The following KCNH5 variants were observed in gnomAD, a reference collection of about 807,000 sequenced individuals.
KCNH5 encodes the protein potassium voltage-gated channel subfamily H member 5.
A neutral mutation model predicts 96.1 loss-of-function variants in KCNH5; 46 were observed. The ratio of observed to expected loss-of-function variants is 0.48; its 90% confidence interval spans 0.38 to 0.61. The LOEUF is 0.61. Among genes scored for constraint, KCNH5 ranks in the 20% least tolerant of loss-of-function variants. KCNH5 has a pLI of 0.00. For missense variants in KCNH5, 907 were observed against 1,225.8 expected, an observed-to-expected ratio of 0.74 and a Z score of 3.88; for synonymous variants, 439 against 449.8, an observed-to-expected ratio of 0.98 and a Z score of 0.30.
chr14:62,738,736 C>A (rs1013068651), intron 10 of KCNH5, among the ~76,000 whole-genome samples: 3 of 152,076 alleles, frequency 2.0e-5, no homozygotes, highest in African/African-American at 7.2e-5. Context: ...AGGCACTGTG[C>A]CTAATGGAGG....
chr14:62,737,580 A>C (rs1408611664), intron 10 of KCNH5, among the ~76,000 whole-genome samples: 3 of 152,188 alleles, frequency 2.0e-5, no homozygotes, highest in African/African-American at 7.2e-5. Flanking sequence ...GAATCTCTAC[A>C]GTGTTATATA....
At chr14:62,907,944 C>A (rs978732100) in intron 7 of KCNH5, among the ~76,000 whole-genome samples, 1 of 152,184 alleles carries the variant, frequency 6.6e-6, no homozygotes, top group African/African-American at 2.4e-5. Context: ...TCTTCTACCA[C>A]AATGACGTCT....
At position 62,755,919 on chromosome 14, in the gene KCNH5, C is replaced by T. The variant is rs182139895; in HGVS notation, c.2019+23809G>A. Among the ~76,000 whole-genome samples, 55 of 152,028 alleles carry T rather than the reference C, an allele frequency of 3.6e-4. 1 individual carries two copies. The East Asian group carries it at 7.0e-3, about 19-fold the overall frequency. ...GATAAAATTCAACATCCCTTCATGA[C>T]AACAACCCTCAAAAAATTGGGCATA... On this transcript the variant is annotated intron_variant, in intron 10 of 10. Transcript: ENST00000322893.
At chr14:62,845,424 T>C (rs1484948771) in intron 8 of KCNH5, among the ~76,000 whole-genome samples, 2 of 152,140 alleles carry the variant, frequency 1.3e-5, no homozygotes. Context: ...GATAGATAAT[T>C]GATGATTGAT....
intron 8 of KCNH5, among the ~76,000 whole-genome samples, chr14:62,821,130 T>C (rs1017185440): frequency 1.3e-5 from 2 of 151,546 alleles, no homozygotes; most frequent in Non-Finnish European, 2.9e-5. Context: ...AAAAAAACCC[T>C]TAAAAAAGCG....
At chr14:62,967,832 T>C (rs973861043) in intron 6 of KCNH5, among the ~76,000 whole-genome samples, 20 of 152,232 alleles carry the variant, frequency 1.3e-4, no homozygotes, top group African/African-American at 4.1e-4. Context: ...CAAATTCCAA[T>C]ATATTTCAAC....
chr14:62,922,108 A>C (rs543787271), intron 7 of KCNH5, among the ~76,000 whole-genome samples: 1 of 152,216 alleles, frequency 6.6e-6, no homozygotes, highest in Non-Finnish European at 1.5e-5. Flanking sequence ...CACCTTATAC[A>C]GTGCATTTTT....
chr14:62,744,411 C>G (rs1304858417), intron 10 of KCNH5, among the ~76,000 whole-genome samples: 1 of 152,078 alleles, frequency 6.6e-6, no homozygotes, highest in Non-Finnish European at 1.5e-5. Context: ...TATAATTATT[C>G]TCATTTAAAA....
At chr14:62,814,388 A>G (rs1368036987) in intron 8 of KCNH5, among the ~76,000 whole-genome samples, 1 of 152,190 alleles carries the variant, frequency 6.6e-6, no homozygotes, top group Non-Finnish European at 1.5e-5. Flanking sequence ...ACTGTCTTAC[A>G]GGCAGATATT....
At chr14:62,845,078 T>C (rs1235657330) in intron 8 of KCNH5, among the ~76,000 whole-genome samples, 5 of 152,130 alleles carry the variant, frequency 3.3e-5, no homozygotes, top group African/African-American at 7.2e-5. Context: ...TTTTAAAGTA[T>C]ATATTCATAG....
chr14:62,994,491 C>A (rs180877449), intron 4 of KCNH5, among the ~76,000 whole-genome samples: 3 of 152,104 alleles, frequency 2.0e-5, no homozygotes, highest in Admixed American at 2.0e-4. Context: ...TATAATGTAT[C>A]AGGTACCACT....
intron 7 of KCNH5, among the ~76,000 whole-genome samples, chr14:62,928,722 T>A (rs1889522672): frequency 1.3e-5 from 2 of 152,018 alleles, no homozygotes; most frequent in African/African-American, 2.4e-5. Flanking sequence ...GGCTGCTCAC[T>A]CATCCCTCCT....
chr14:62,885,101 T>C (rs910656316), intron 7 of KCNH5, among the ~76,000 whole-genome samples: 3 of 152,208 alleles, frequency 2.0e-5, no homozygotes, highest in African/African-American at 7.2e-5. Flanking sequence ...ATGATAGTAA[T>C]TATGATATTT....
chr14:62,985,424 A>G (rs1401821996), intron 5 of KCNH5, among the ~76,000 whole-genome samples: 1 of 152,220 alleles, frequency 6.6e-6, no homozygotes, highest in Non-Finnish European at 1.5e-5. Flanking sequence ...CGACAAGTTA[A>G]GAAAATTACT....
chr14:62,803,095 G>A (rs1886698219), intron 8 of KCNH5, among the ~76,000 whole-genome samples: 1 of 152,198 alleles, frequency 6.6e-6, no homozygotes. Context: ...AGATTGCAGT[G>A]AGCCAAGGTC....
At chr14:62,997,873 C>T (rs1225816934) in intron 4 of KCNH5, among the ~76,000 whole-genome samples, 2 of 131,936 alleles carry the variant, frequency 1.5e-5, no homozygotes, top group African/African-American at 6.2e-5. Context: ...GCACTCCAAC[C>T]TGGGGGACAG....
chr14:62,985,000 C>T (rs1890678326), intron 5 of KCNH5, among the ~76,000 whole-genome samples: 1 of 152,080 alleles, frequency 6.6e-6, no homozygotes, highest in South Asian at 2.1e-4. Context: ...CCAAAGGAAT[C>T]ATGACTATAA....
At chr14:62,865,332 TTA>T (rs1491102573) in intron 7 of KCNH5, among the ~76,000 whole-genome samples, 11 of 100,836 alleles carry the variant, frequency 1.1e-4, no homozygotes, top group East Asian at 4.2e-4. Context: ...AAAATGCTAT[TTA>T]AAAAAAAAAA....
intron 10 of KCNH5, among the ~76,000 whole-genome samples, chr14:62,738,212 A>G (rs1885199324): frequency 6.6e-6 from 1 of 152,184 alleles, no homozygotes; most frequent in South Asian, 2.1e-4. Context: ...AGATGAAGAG[A>G]TGATTCCTAT....
Sources: gnomAD v4.1 joint callset for allele counts (sites outside exome capture counted in the v4.1 genomes callset) on GRCh38, gnomAD v4.1.1 for gene constraint, MANE v1.5 for transcripts, NCBI Gene and HGNC (gene_info 2026-07-23, HGNC 2026-07-21) for gene names.